KCNQ5: variants seen among roughly 807,000 people sequenced by gnomAD.
KCNQ5 encodes potassium voltage-gated channel subfamily Q member 5, also known as potassium voltage-gated channel subfamily KQT member 5.
KCNQ5 carries 30 observed loss-of-function variants against 98.2 expected under a neutral mutation model. The observed-to-expected ratio is 0.31, with a 90% CI of 0.23 to 0.41. KCNQ5 has a LOEUF of 0.41. Among genes scored for constraint, KCNQ5 ranks in the 10% least tolerant of loss-of-function variants. The probability of loss-of-function intolerance (pLI) is 1.00; values close to 1 mark genes in which losing one functional copy is unlikely to be tolerated. For missense variants in KCNQ5, 835 were observed against 1,182.5 expected, an observed-to-expected ratio of 0.71 and a Z score of 4.31; for synonymous variants, 458 against 449.4, an observed-to-expected ratio of 1.02 and a Z score of -0.24.
intron 3 of KCNQ5, among the ~76,000 whole-genome samples, chr6:73,062,322 G>A (rs766855473): frequency 1.4e-4 from 21 of 152,246 alleles, no homozygotes; most frequent in South Asian, 4.1e-4. Flanking sequence ...TCGATTCAGC[G>A]TCTTCTATGC....
chr6:73,123,488 G>A (rs1217716555), intron 8 of KCNQ5, among the ~76,000 whole-genome samples: 2 of 152,166 alleles, frequency 1.3e-5, no homozygotes, highest in African/African-American at 2.4e-5. Context: ...AGAGAAATGG[G>A]AGGAGGGACA....
At chr6:73,031,576 A>G (rs1771149368) in intron 2 of KCNQ5, among the ~76,000 whole-genome samples, 1 of 152,202 alleles carries the variant, frequency 6.6e-6, no homozygotes, top group South Asian at 2.1e-4. Context: ...GGCTACGACA[A>G]TGGGTAAGGC....
chr6:72,727,443 T>A (rs1251726677), intron 1 of KCNQ5, among the ~76,000 whole-genome samples: 1 of 152,244 alleles, frequency 6.6e-6, no homozygotes, highest in Non-Finnish European at 1.5e-5. Context: ...ATGGCATTTA[T>A]GTACTCAGTG....
chr6:73,012,251 A>G (rs1319855949), intron 2 of KCNQ5, among the ~76,000 whole-genome samples: 1 of 152,124 alleles, frequency 6.6e-6, no homozygotes, highest in Non-Finnish European at 1.5e-5. Context: ...TAAGCAAAAT[A>G]TGGCATATAC....
chr6:72,962,519 T>A (rs1472342086), intron 1 of KCNQ5, among the ~76,000 whole-genome samples: 1 of 151,932 alleles, frequency 6.6e-6, no homozygotes, highest in Admixed American at 6.6e-5. Flanking sequence ...ATAAGTAAAA[T>A]AAATCACTAA....
intron 1 of KCNQ5, among the ~76,000 whole-genome samples, chr6:72,635,557 C>T (rs1162420347): frequency 6.6e-6 from 1 of 151,780 alleles, no homozygotes; most frequent in Non-Finnish European, 1.5e-5. Context: ...ACATTTCATT[C>T]AGCTTCCATG....
intron 12 of KCNQ5, 25 bp downstream of exon 12, chr6:73,190,729 T>C (rs749368542): frequency 4.0e-6 from 6 of 1,494,766 alleles, no homozygotes; most frequent in East Asian, 2.4e-5. Flanking sequence ...TGTCATTCCT[T>C]GTAAAGGAAT....
At chr6:73,034,372 A>C (rs1289065531) in intron 2 of KCNQ5, among the ~76,000 whole-genome samples, 1 of 152,248 alleles carries the variant, frequency 6.6e-6, no homozygotes, top group African/African-American at 2.4e-5. Context: ...ATGTATGTCT[A>C]ATTAGCCACA....
At chr6:72,771,021 T>C (rs1381452270) in intron 1 of KCNQ5, among the ~76,000 whole-genome samples, 1 of 152,124 alleles carries the variant, frequency 6.6e-6, no homozygotes, top group Admixed American at 6.6e-5. Flanking sequence ...CGGGGAATTA[T>C]AACCAAAGAA....
intron 5 of KCNQ5, among the ~76,000 whole-genome samples, chr6:73,090,257 G>T (rs1021437297): frequency 2.0e-5 from 3 of 151,706 alleles, no homozygotes; most frequent in African/African-American, 7.3e-5. Context: ...TGATGGGATT[G>T]TTTGTTTTTT....
At chr6:72,783,349 G>T (rs571790405) in intron 1 of KCNQ5, among the ~76,000 whole-genome samples, 1 of 152,190 alleles carries the variant, frequency 6.6e-6, no homozygotes, top group East Asian at 1.9e-4. Context: ...CTACATTTGC[G>T]TGTATATACA....
intron 1 of KCNQ5, among the ~76,000 whole-genome samples, chr6:72,948,722 A>G (rs1486279098): frequency 6.6e-6 from 1 of 152,118 alleles, no homozygotes; most frequent in Non-Finnish European, 1.5e-5. Flanking sequence ...CCAAGAGTTC[A>G]TTATCATTTT....
chr6:72,997,473 C>T (rs1488219362), intron 1 of KCNQ5, among the ~76,000 whole-genome samples: 3 of 151,910 alleles, frequency 2.0e-5, no homozygotes, highest in Non-Finnish European at 4.4e-5. Context: ...TCGCTGATGA[C>T]GATATTTTTA....
chr6:72,794,395 G>A (rs935187417), intron 1 of KCNQ5, among the ~76,000 whole-genome samples: 2 of 151,856 alleles, frequency 1.3e-5, no homozygotes, highest in African/African-American at 4.8e-5. Flanking sequence ...TCATAAACCT[G>A]GCACCAAATT....
intron 6 of KCNQ5, among the ~76,000 whole-genome samples, chr6:73,106,842 G>A (rs1032149658): frequency 3.3e-5 from 5 of 152,150 alleles, no homozygotes; most frequent in South Asian, 2.1e-4. Context: ...AATTTTGTGC[G>A]GACCAATGTA....
chr6:72,689,529 A>G (rs1768110329), intron 1 of KCNQ5, among the ~76,000 whole-genome samples: 1 of 152,234 alleles, frequency 6.6e-6, no homozygotes, highest in Non-Finnish European at 1.5e-5. Flanking sequence ...TGAGAGACCC[A>G]CAATGGAACA....
intron 1 of KCNQ5, among the ~76,000 whole-genome samples, chr6:72,800,467 T>C (rs1774583609): frequency 6.6e-6 from 1 of 152,214 alleles, no homozygotes. Context: ...GGATCGGTGG[T>C]GATATCCCCT....
At chr6:73,057,177 A>T (rs1772548572) in intron 3 of KCNQ5, among the ~76,000 whole-genome samples, 1 of 152,190 alleles carries the variant, frequency 6.6e-6, no homozygotes, top group African/African-American at 2.4e-5. Context: ...TGTCCTTTGC[A>T]GGGACATGGA....
intron 1 of KCNQ5, among the ~76,000 whole-genome samples, chr6:72,995,917 CA>C (rs1769277256): frequency 6.6e-6 from 1 of 152,164 alleles, no homozygotes; most frequent in Non-Finnish European, 1.5e-5. Flanking sequence ...TAGTAATAGA[CA>C]AAAACACATC....
Sources: allele counts gnomAD v4.1 joint callset (sites outside exome capture counted in the v4.1 genomes callset), GRCh38; gene constraint gnomAD v4.1.1; transcripts MANE v1.5; gene names NCBI Gene and HGNC (gene_info 2026-07-23, HGNC 2026-07-21).